Variants in PADI2 observed in about 807,000 individuals in gnomAD.
PADI2 encodes peptidyl arginine deiminase 2, also known as protein-arginine deiminase type-2.
A neutral mutation model predicts 81.1 loss-of-function variants in PADI2; 70 were observed. The ratio of observed to expected loss-of-function variants is 0.86; its 90% CI spans 0.71 to 1.05. The LOEUF (loss-of-function observed/expected upper bound fraction) is 1.05. PADI2 is among the 50% of genes least tolerant of loss of function. PADI2 has a pLI of 0.00. For missense variants in PADI2, 853 were observed against 889.9 expected, an observed-to-expected ratio of 0.96 and a Z score of 0.53; for synonymous variants, 338 against 358.0, an observed-to-expected ratio of 0.94 and a Z score of 0.63.
chr1:17,071,586 T>C, intron 13 of PADI2, 95 bp from the exon 14 acceptor site: 1 of 954,816 alleles, frequency 1.0e-6, no homozygotes, highest in East Asian at 2.5e-5. Context: ...GGCTAACTGC[T>C]GGACTGGGAC....
intron 10 of PADI2, among the ~76,000 whole-genome samples, chr1:17,080,269 T>G (rs1325674822): frequency 6.6e-6 from 1 of 152,210 alleles, no homozygotes; most frequent in African/African-American, 2.4e-5. Context: ...CTGCCCAGTG[T>G]CAGACTTGGT....
intron 3 of PADI2, 33 bp downstream of exon 3, chr1:17,102,954 G>T: frequency 6.5e-7 from 1 of 1,537,608 alleles, no homozygotes; most frequent in Non-Finnish European, 9.0e-7. Context: ...CCTGGGTGAT[G>T]AAGGCACTGA....
At chr1:17,101,486 C>T (rs1029255350) in intron 3 of PADI2, among the ~76,000 whole-genome samples, 11 of 152,228 alleles carry the variant, frequency 7.2e-5, no homozygotes, top group East Asian at 1.9e-4. Context: ...GGTTCACACA[C>T]GTGCCAGGGC....
chr1:17,070,174 C>T lies in PADI2; in HGVS notation c.1678G>A (p.Gly560Arg). 1 of 1,614,086 alleles carries T rather than the reference C, an allele frequency of 6.2e-7. No homozygotes were observed. Reference sequence around the variant, plus strand: ...TCAATGATGTCCTGCTCTGTCAGTCCCAGCTCCTTCTTGAGGATGTCACGG... The same window carrying T: ...TCAATGATGTCCTGCTCTGTCAGTCTCAGCTCCTTCTTGAGGATGTCACGG... ...WNRDILKKEL[G>R]LTEQDIIDLP... is the part of the protein sequence containing the mutation. The change falls in exon 15 of 16, where the codon GGA becomes AGA. Residue 560 changes from glycine (G) to arginine (R), a missense_variant. Physicochemically the swap from Gly to Arg is moderately radical, Grantham distance 125. Coordinates refer to ENST00000375486, the MANE Select transcript of PADI2 (RefSeq NM_007365.3).
intron 3 of PADI2, among the ~76,000 whole-genome samples, chr1:17,098,045 C>T (rs772149724): frequency 1.2e-4 from 19 of 152,288 alleles, no homozygotes; most frequent in Non-Finnish European, 2.2e-4. Context: ...CACCCCCACC[C>T]CCTAACGATA....
intron 15 of PADI2, 101 bp from the exon 16 acceptor site, chr1:17,069,378 A>G: frequency 1.2e-6 from 1 of 855,678 alleles, no homozygotes; most frequent in Non-Finnish European, 1.9e-6. Context: ...AACCCTGTGA[A>G]GTAGTAACTG....
At position 17,086,632 on chromosome 1, in the gene PADI2, G is replaced by A. The variant is rs35184728; in HGVS notation, c.723C>T (p.Tyr241=). The A allele has an allele frequency of 4.2e-3, 6,830 of 1,614,086 alleles. 212 individuals carry two copies. In the African/African-American group the frequency reaches 0.068, roughly 16 times the overall value. ...GRRKLYHVVK[Y]TGGSAELLFF... is the part of the protein sequence containing the mutation. ...ACAGCAGCTCCGCGGAGCCACCCGT[G>A]TACTTGACCACATGGTAGAGCTTCC... Residue 241 remains tyrosine, a synonymous_variant, in exon 7 of 16, where the codon TAC becomes TAT. Coordinates refer to ENST00000375486, the MANE Select transcript of PADI2 (RefSeq NM_007365.3).
rs190782775 is a variant in PADI2 at position 17,107,319 on chromosome 1, A to G, written c.93-2258T>C. 1.0e-3 allele frequency among the ~76,000 whole-genome samples: 152 copies of G among 152,304 alleles called. 1 individual carries two copies. Among genetic ancestry groups the G allele is most frequent in the African/African-American group, 3.6e-3 (150 of 41,552 alleles). On this transcript the variant is annotated intron_variant, in intron 1 of 15. Coordinates refer to ENST00000375486, the MANE Select transcript of PADI2 (RefSeq NM_007365.3). ...TTTTCTTTGAAGGCTGTAGATTTGT[A>G]GATCCAGTCTCTGGAGAGGCTGGCT...
rs948370979 is a variant in PADI2 at position 17,119,236 on chromosome 1, T to C, written c.92+44A>G. The C allele has an allele frequency of 7.3e-7, 1 of 1,362,158 alleles. No individual in the cohort carries two copies. The highest frequency in any genetic ancestry group is 1.8e-4 in the Middle Eastern group (1 of 5,604). The allele number at this position is 1,362,158 out of a possible 1,614,324, so 84.4% of individuals were successfully genotyped here. ...GAGTCTGAGCGCGTCTCAGGATTTC[T>C]GGGCTCGAGATCTCGGCCCGGGCAT... On this transcript the variant is annotated intron_variant, in intron 1 of 15. Transcript: ENST00000375486. The surrounding 1 kb of genome is among the most constrained non-coding windows in gnomAD (Gnocchi z 4.8).
chr1:17,075,294 A>G (rs1231309764), intron 12 of PADI2: 2 of 324,676 alleles, frequency 6.2e-6, no homozygotes, highest in African/African-American at 2.2e-5. Context: ...ACAGGTGCAT[A>G]ACCTATTTCT....
intron 9 of PADI2, 100 bp from the exon 10 acceptor site, chr1:17,082,752 C>G (rs920948693): frequency 4.3e-6 from 3 of 704,700 alleles, no homozygotes; most frequent in Non-Finnish European, 7.4e-6. Flanking sequence ...GGAAGAAGAA[C>G]GTCTGTCTTG....
chr1:17,114,524 G>A (rs746528951), intron 1 of PADI2, among the ~76,000 whole-genome samples: 6 of 152,144 alleles, frequency 3.9e-5, no homozygotes, highest in Non-Finnish European at 8.8e-5. Context: ...TAAAGTTGTT[G>A]CAAGGTTTAA....
intron 14 of PADI2, among the ~76,000 whole-genome samples, chr1:17,071,187 C>T (rs559586100): frequency 7.9e-5 from 12 of 152,248 alleles, no homozygotes; most frequent in East Asian, 7.8e-4. Flanking sequence ...AGTGAGGGGG[C>T]GGCACAATTT....
chr1:17,118,078 T>C (rs928450851), intron 1 of PADI2, among the ~76,000 whole-genome samples: 7 of 152,070 alleles, frequency 4.6e-5, no homozygotes, highest in Admixed American at 6.5e-5. Flanking sequence ...TCTGCAGCGG[T>C]GGCAGGAGAC....
intron 1 of PADI2, among the ~76,000 whole-genome samples, chr1:17,117,670 C>T (rs907228160): frequency 5.3e-5 from 8 of 152,206 alleles, no homozygotes; most frequent in Non-Finnish European, 1.0e-4. Flanking sequence ...GATAGCAGGG[C>T]GCCTGAGCAG....
At chr1:17,083,560 G>A in intron 9 of PADI2, 166 bp downstream of exon 9, 1 of 606,464 alleles carries the variant, frequency 1.6e-6, no homozygotes. Context: ...AAGCAGCACT[G>A]TAGTGCACTT....
chr1:17,100,048 G>T lies in PADI2; in HGVS notation c.349+2939C>A, dbSNP rs186347903. On this transcript the variant is annotated intron_variant, in intron 3 of 15. Coordinates refer to ENST00000375486, the MANE Select transcript of PADI2 (RefSeq NM_007365.3). Reference sequence around the variant, plus strand: ...CAGCCTCTCAAGATATTGGGGTTGGGGGGGGGCTTGCCTCTGAGGCGCTGC... The same window carrying T: ...CAGCCTCTCAAGATATTGGGGTTGGTGGGGGGCTTGCCTCTGAGGCGCTGC... Among the ~76,000 whole-genome samples the T allele has an allele frequency of 2.4e-3, 361 of 151,062 alleles. 2 individuals carry two copies. The highest frequency in any genetic ancestry group is 0.01 in the South Asian group (48 of 4,780).
At position 17,068,493 on chromosome 1, in the gene PADI2, A is replaced by G. The variant is rs1196410031; in HGVS notation, c.*551T>C. 1 of 159,630 alleles carries G rather than the reference A, an allele frequency of 6.3e-6. No homozygotes were observed. Among genetic ancestry groups the G allele is most frequent in the African/African-American group, 2.4e-5 (1 of 41,496 alleles). The allele number at this position is 159,630 out of a possible 1,614,324, so 9.9% of individuals were successfully genotyped here. A position where few individuals can be genotyped will look rare whatever the true frequency, so the allele number is the denominator to read the frequency against. ...CCAACAGTGTCCACACTGCAGAGAG[A>G]AAGCCAAGAGGATTTGAGAGGTTGG... On this transcript the variant is annotated 3_prime_UTR_variant, in exon 16 of 16. Coordinates refer to ENST00000375486, the MANE Select transcript of PADI2 (RefSeq NM_007365.3).
At chr1:17,104,098 C>T (rs575637742) in intron 2 of PADI2, among the ~76,000 whole-genome samples, 22 of 148,540 alleles carry the variant, frequency 1.5e-4, no homozygotes, top group South Asian at 4.3e-4. Flanking sequence ...CTGGCTAACA[C>T]GGTGAAACCC....
Sources: allele counts gnomAD v4.1 joint callset (sites outside exome capture counted in the v4.1 genomes callset), GRCh38; gene constraint gnomAD v4.1.1; non-coding constraint Gnocchi (gnomAD v3.1); transcripts MANE v1.5; gene names NCBI Gene and HGNC (gene_info 2026-07-23, HGNC 2026-07-21).